The following PDS5A variants were observed in gnomAD, a reference collection of about 807,000 sequenced individuals.
PDS5A encodes the protein sister chromatid cohesion protein PDS5 homolog A.
In PDS5A, 42 loss-of-function variants were observed where a neutral mutation model predicts 167.1. That is an observed-to-expected ratio of 0.25 (90% CI 0.20 to 0.33). PDS5A has a LOEUF of 0.33. PDS5A is among the 10% of genes least tolerant of loss of function. PDS5A has a pLI of 1.00. For missense variants in PDS5A, 1,033 were observed against 1,605.9 expected (o/e 0.64, Z 6.10); for synonymous variants, 553 against 554.6 (o/e 1.00, Z 0.04).
Position 39,874,372 on chromosome 4 carries a change from T to C in PDS5A, c.2194A>G (p.Thr732Ala), listed in dbSNP as rs1379916886. Reference sequence around the variant, plus strand: ...ACAGCCTGTTTTGCTTGGTGTGGAGTACCCCTCTTTGCTTTTTGATGTAAA... The same window carrying C: ...ACAGCCTGTTTTGCTTGGTGTGGAGCACCCCTCTTTGCTTTTTGATGTAAA... ...PILHQKAKRGTPHQAKQAVHC... is the reference protein window; with the variant it reads ...PILHQKAKRGAPHQAKQAVHC... The change falls in exon 20 of 33, where the codon ACT (threonine) becomes GCT (alanine). Residue 732 changes from threonine to alanine, a missense_variant. Thr to Ala is a moderately conservative substitution (Grantham distance 58). Transcript: ENST00000303538. 6.2e-7 allele frequency: 1 copy of C among 1,612,582 alleles called. No individual in the cohort carries two copies. Among genetic ancestry groups the C allele is most frequent in the South Asian group, 1.1e-5 (1 of 91,054 alleles).
intron 2 of PDS5A, among the ~76,000 whole-genome samples, chr4:39,962,793 C>CTGGCGAGGAAGAGGGGGAAT (rs1729614714): frequency 1.3e-5 from 2 of 151,916 alleles, no homozygotes; most frequent in Non-Finnish European, 2.9e-5. Flanking sequence ...GAGACTCCGT[C>CTGGCGAGGAAGAGGGGGAAT]TGGCGAGGAA....
intron 2 of PDS5A, among the ~76,000 whole-genome samples, chr4:39,943,174 G>T (rs867321006): frequency 1.5e-5 from 2 of 129,264 alleles, no homozygotes; most frequent in Admixed American, 7.7e-5. Flanking sequence ...ACACACGCAC[G>T]CACACATATA....
At position 39,842,060 on chromosome 4, in the gene PDS5A, T is replaced by A; in HGVS notation, c.3549-4A>T. On this transcript the variant is annotated splice_polypyrimidine_tract_variant and splice_region_variant and intron_variant, in intron 30 of 32. Transcript: ENST00000303538. ...TGCTGCCTCTGAACTCTGTTCCCTG[T>A]TTAAAACAAATAAACCAAGACTTCA... 1 of 1,553,202 alleles carries A rather than the reference T, an allele frequency of 6.4e-7. No individual in the cohort carries two copies. The highest frequency in any genetic ancestry group is 8.9e-7 in the Non-Finnish European group (1 of 1,124,636).
intron 2 of PDS5A, among the ~76,000 whole-genome samples, chr4:39,931,891 C>CT (rs372230505): frequency 0.19 from 25,670 of 136,088 alleles, 2,551 homozygotes; most frequent in East Asian, 0.42. Flanking sequence ...GGTCAGGTGA[C>CT]TTTTTTTTTT....
intron 2 of PDS5A, among the ~76,000 whole-genome samples, chr4:39,960,257 A>G (rs1729356745): frequency 6.6e-6 from 1 of 152,172 alleles, no homozygotes; most frequent in Non-Finnish European, 1.5e-5. Context: ...TGACGGAGTG[A>G]GACTCTGTCT....
At chr4:39,943,271 T>C (rs945166458) in intron 2 of PDS5A, among the ~76,000 whole-genome samples, 20 of 152,094 alleles carry the variant, frequency 1.3e-4, no homozygotes, top group African/African-American at 4.3e-4. Context: ...TCATTCAATT[T>C]CAACAAATTA....
intron 11 of PDS5A, among the ~76,000 whole-genome samples, chr4:39,907,231 A>G (rs1180514485): frequency 6.6e-6 from 1 of 152,194 alleles, no homozygotes; most frequent in Admixed American, 6.5e-5. Context: ...AAAAATCTTC[A>G]AAGTTAAAAT....
intron 20 of PDS5A, among the ~76,000 whole-genome samples, chr4:39,873,912 G>A (rs564897136): frequency 1.3e-5 from 2 of 152,148 alleles, no homozygotes; most frequent in African/African-American, 4.8e-5. Context: ...AGGCATGGTG[G>A]TGGTGCCTGT....
chr4:39,836,018 A>G, intron 32 of PDS5A, among the ~76,000 whole-genome samples: 1 of 152,204 alleles, frequency 6.6e-6, no homozygotes, highest in Non-Finnish European at 1.5e-5. Context: ...TATAACTGAA[A>G]ATGTATGTTA....
At chr4:39,934,818 T>C (rs1008429926) in intron 2 of PDS5A, among the ~76,000 whole-genome samples, 1 of 152,112 alleles carries the variant, frequency 6.6e-6, no homozygotes, top group African/African-American at 2.4e-5. Context: ...TAAGCATCTT[T>C]TCACGTATTT....
At chr4:39,890,458 A>G (rs973469567) in intron 16 of PDS5A, 94 bp from the exon 17 acceptor site, 3 of 715,860 alleles carry the variant, frequency 4.2e-6, no homozygotes, top group Non-Finnish European at 7.1e-6. Flanking sequence ...CAAAACCAGC[A>G]TAAGTGGTTA....
rs55951253 is a variant in PDS5A, at chr4:39,948,621, A to ATTT, written c.139-20460_139-20458dup. On this transcript the variant is annotated intron_variant, in intron 2 of 32. Coordinates refer to ENST00000303538, the MANE Select transcript of PDS5A (RefSeq NM_001100399.2). Reference sequence around the variant, plus strand: ...TACACGTGTGAGCTACCACGCCTGGATTTTTTTTTTTTTTTTTTTTAAAGA... The same window carrying ATTT: ...TACACGTGTGAGCTACCACGCCTGGATTTTTTTTTTTTTTTTTTTTTTTAAAGA... 1.6e-3 allele frequency among the ~76,000 whole-genome samples: 176 copies of ATTT among 110,922 alleles called. 3 individuals are homozygous for ATTT. Among genetic ancestry groups the ATTT allele is most frequent in the East Asian group, 2.6e-3 (10 of 3,808 alleles). 72.8% of individuals were successfully genotyped at this position (110,922 alleles called of 152,430 possible). A position where few individuals can be genotyped will look rare whatever the true frequency, so the allele number is the denominator to read the frequency against.
chr4:39,883,553 C>A (rs542193350), intron 17 of PDS5A, among the ~76,000 whole-genome samples: 1 of 152,302 alleles, frequency 6.6e-6, no homozygotes, highest in African/African-American at 2.4e-5. Context: ...GAAGATTCTT[C>A]TTCAAGCTTA....
intron 2 of PDS5A, among the ~76,000 whole-genome samples, chr4:39,943,634 A>T (rs1052667816): frequency 6.0e-5 from 9 of 151,220 alleles, no homozygotes; most frequent in African/African-American, 2.2e-4. Context: ...AAAAAAAAAA[A>T]AAAAAATACA....
chr4:39,966,636 C>G (rs2109817295), intron 2 of PDS5A, among the ~76,000 whole-genome samples: 1 of 152,238 alleles, frequency 6.6e-6, no homozygotes, highest in South Asian at 2.1e-4. Flanking sequence ...ATATAGCAGA[C>G]CAGGGTAGCT....
intron 32 of PDS5A, among the ~76,000 whole-genome samples, chr4:39,826,702 G>A (rs1006014752): frequency 6.6e-6 from 1 of 151,990 alleles, no homozygotes; most frequent in Non-Finnish European, 1.5e-5. Context: ...GGTCAGGATG[G>A]TCTTGAACTC....
intron 2 of PDS5A, 110 bp from the exon 3 acceptor site, chr4:39,928,274 C>G: frequency 1.6e-6 from 1 of 632,782 alleles, no homozygotes; most frequent in Non-Finnish European, 2.7e-6. Flanking sequence ...CGGTGGCCAC[C>G]AGACAGTTCA....
chr4:39,885,681 G>C (rs901411143), intron 17 of PDS5A, among the ~76,000 whole-genome samples: 1 of 151,958 alleles, frequency 6.6e-6, no homozygotes, highest in Non-Finnish European at 1.5e-5. Flanking sequence ...TTTGGAGGCC[G>C]AAGTGGGTGG....
chr4:39,829,634 G>C (rs796370703), intron 32 of PDS5A, among the ~76,000 whole-genome samples: 46 of 147,424 alleles, frequency 3.1e-4, no homozygotes, highest in African/African-American at 1.1e-3. Context: ...GTGACAGAGT[G>C]AGACTTCATC....
Sources: gnomAD v4.1 joint callset for allele counts (sites outside exome capture counted in the v4.1 genomes callset) on GRCh38, gnomAD v4.1.1 for gene constraint, MANE v1.5 for transcripts, NCBI Gene and HGNC (gene_info 2026-07-23, HGNC 2026-07-21) for gene names.